MTUS2: variants seen among roughly 807,000 people sequenced by gnomAD.
MTUS2 encodes microtubule associated scaffold protein 2, also known as microtubule-associated tumor suppressor candidate 2.
A neutral mutation model predicts 114.1 loss-of-function variants in MTUS2; 40 were observed. That is an observed-to-expected ratio of 0.35 (90% CI 0.27 to 0.46). The LOEUF (loss-of-function observed/expected upper bound fraction) is 0.46. Among genes scored for constraint, MTUS2 ranks in the 20% least tolerant of loss-of-function variants. The pLI is 1.00. For synonymous variants in MTUS2, 688 were observed against 672.0 expected (o/e 1.02, Z -0.37); for missense variants, 1,679 against 1,705.4 (o/e 0.98, Z 0.27).
rs182964245 is a variant in MTUS2 at position 29,269,209 on chromosome 13, A to C, written c.2645-12495A>C. Among the ~76,000 whole-genome samples, 14 of 152,312 alleles carry C rather than the reference A, an allele frequency of 9.2e-5. 1 individual carries two copies. Among genetic ancestry groups the C allele is most frequent in the African/African-American group, 3.4e-4 (14 of 41,572 alleles). On this transcript the variant is annotated intron_variant, in intron 5 of 15. Coordinates refer to ENST00000612955, the MANE Select transcript of MTUS2 (RefSeq NM_001033602.4). ...CAGTGCCCATTTGTCCTTAGGTCAG[A>C]TTCATAACTCAATCTCTTCCTGGAG...
At chr13:29,341,528 G>T (rs1335667503) in intron 7 of MTUS2, among the ~76,000 whole-genome samples, 1 of 152,120 alleles carries the variant, frequency 6.6e-6, no homozygotes, top group Non-Finnish European at 1.5e-5. Flanking sequence ...GTTTCTCATA[G>T]ATTCTGGATG....
Position 29,389,251 on chromosome 13 carries a change from G to A in MTUS2, c.3117+29778G>A, listed in dbSNP as rs1177243205. Among the ~76,000 whole-genome samples the A allele has an allele frequency of 2.7e-5, 4 of 146,916 alleles. No individual in the cohort carries two copies. The East Asian group carries it at 5.9e-4, about 22-fold the overall frequency. On this transcript the variant is annotated intron_variant, in intron 8 of 15. Transcript: ENST00000612955. ...TATATATGTATGTGTGTATATATAT[G>A]TATACACATGTGTGTATATATGTAT... is the stretch of plus-strand genomic sequence containing the variant.
At chr13:29,139,473 T>C (rs1398808869) in intron 5 of MTUS2, among the ~76,000 whole-genome samples, 1 of 152,222 alleles carries the variant, frequency 6.6e-6, no homozygotes, top group Non-Finnish European at 1.5e-5. Flanking sequence ...TATGTAAAAC[T>C]ATTCATTTCC....
chr13:29,288,221 G>A (rs1359174049), intron 6 of MTUS2, among the ~76,000 whole-genome samples: 1 of 152,212 alleles, frequency 6.6e-6, no homozygotes, highest in African/African-American at 2.4e-5. Context: ...GCTTATCCTT[G>A]TGGCTCTGGG....
Position 29,480,380 on chromosome 13 carries a change from G to A in MTUS2, c.3399+16G>A, listed in dbSNP as rs916964288. The A allele has an allele frequency of 1.5e-5, 22 of 1,498,650 alleles. No individual in the cohort carries two copies. The highest frequency in any genetic ancestry group is 1.7e-5 in the Non-Finnish European group (19 of 1,120,632). 92.8% of individuals were successfully genotyped at this position (1,498,650 alleles called of 1,614,324 possible). ...CCAGGAGCAGGTCAGTCTGCAGTGC[G>A]GCTCGAGCTCTGCTGTTGGGTGATG... On this transcript the variant is annotated intron_variant, in intron 10 of 15. Coordinates refer to ENST00000612955, the MANE Select transcript of MTUS2 (RefSeq NM_001033602.4). The surrounding 1 kb of genome is among the most constrained non-coding windows in gnomAD (Gnocchi z 4.4).
chr13:29,348,343 A>G (rs1045407699), intron 7 of MTUS2, among the ~76,000 whole-genome samples: 6 of 151,892 alleles, frequency 4.0e-5, no homozygotes, highest in African/African-American at 7.2e-5. Flanking sequence ...TCTAGCATCC[A>G]TATCACTCAG....
chr13:29,366,930 T>C (rs2388091), intron 8 of MTUS2, among the ~76,000 whole-genome samples: 113,381 of 151,790 alleles, frequency 0.75, 42,505 homozygotes, highest in East Asian at 0.83. Context: ...GTTTGTGATG[T>C]GAGCCTCCCT....
chr13:29,285,522 C>T (rs1349716705), intron 6 of MTUS2, among the ~76,000 whole-genome samples: 1 of 152,110 alleles, frequency 6.6e-6, no homozygotes, highest in Non-Finnish European at 1.5e-5. Context: ...GGGAATTAGT[C>T]TTTGGGGGAA....
chr13:29,094,174 A>G (rs1177595862), intron 4 of MTUS2, among the ~76,000 whole-genome samples: 2 of 151,954 alleles, frequency 1.3e-5, no homozygotes, highest in Non-Finnish European at 2.9e-5. Context: ...AGATGTCTTT[A>G]TCTGGTTTTA....
At chr13:29,017,693 T>A (rs1886124726) in intron 2 of MTUS2, among the ~76,000 whole-genome samples, 1 of 133,344 alleles carries the variant, frequency 7.5e-6, no homozygotes, top group Non-Finnish European at 1.6e-5. Context: ...AATTTTCATC[T>A]TGAAAGATTG....
chr13:29,064,010 A>AGGCC (rs2138658669), intron 4 of MTUS2, among the ~76,000 whole-genome samples: 1 of 152,310 alleles, frequency 6.6e-6, no homozygotes, highest in South Asian at 2.1e-4. Flanking sequence ...AGAAAGCATG[A>AGGCC]GGCCTGGGGG....
intron 2 of MTUS2, among the ~76,000 whole-genome samples, chr13:28,920,833 A>G (rs1447534964): frequency 6.6e-6 from 1 of 152,230 alleles, no homozygotes; most frequent in East Asian, 1.9e-4. Context: ...GGCCACCAGC[A>G]ACACCACCAC....
intron 2 of MTUS2, among the ~76,000 whole-genome samples, chr13:29,004,159 C>A (rs190403154): frequency 1.7e-4 from 26 of 152,260 alleles, no homozygotes; most frequent in Non-Finnish European, 5.9e-5. Context: ...TTGACATTTT[C>A]TGTCTGCAAC....
rs141353605 is a variant in MTUS2 at position 29,470,132 on chromosome 13, C to T, written c.3185-10018C>T. Reference sequence around the variant, plus strand: ...GTTTACAGACCCTCAGGGAGAAAAACACAACTATTAACCTACCCCACCGCA... The same window carrying T: ...GTTTACAGACCCTCAGGGAGAAAAATACAACTATTAACCTACCCCACCGCA... On this transcript the variant is annotated intron_variant, in intron 9 of 15. Transcript: ENST00000612955. 1.8e-3 allele frequency among the ~76,000 whole-genome samples: 268 copies of T among 152,226 alleles called. 1 individual carries two copies. Among genetic ancestry groups the T allele is most frequent in the African/African-American group, 5.7e-3 (237 of 41,530 alleles).
intron 8 of MTUS2, among the ~76,000 whole-genome samples, chr13:29,360,279 C>G (rs1439175105): frequency 6.6e-6 from 1 of 152,148 alleles, no homozygotes; most frequent in South Asian, 2.1e-4. Context: ...TGTATAAATG[C>G]TCTCCAAATA....
At chr13:29,245,068 A>G (rs1896871426) in intron 5 of MTUS2, among the ~76,000 whole-genome samples, 1 of 151,826 alleles carries the variant, frequency 6.6e-6, no homozygotes, top group African/African-American at 2.4e-5. Flanking sequence ...AAAACATCCT[A>G]TAAAGGGTTA....
intron 5 of MTUS2, among the ~76,000 whole-genome samples, chr13:29,129,211 C>CA (rs1891650010): frequency 6.9e-6 from 1 of 145,194 alleles, no homozygotes; most frequent in Non-Finnish European, 1.5e-5. Context: ...TTTTTTTCCC[C>CA]ATCCGGAATG....
chr13:29,100,340 A>G (rs1317070390), intron 4 of MTUS2, among the ~76,000 whole-genome samples: 1 of 152,244 alleles, frequency 6.6e-6, no homozygotes, highest in Non-Finnish European at 1.5e-5. Context: ...GCTTAAAATT[A>G]CTAGTGAATG....
intron 5 of MTUS2, among the ~76,000 whole-genome samples, chr13:29,158,358 C>CCCCCCCCCCTCTT: frequency 3.1e-5 from 1 of 32,048 alleles, no homozygotes; most frequent in Non-Finnish European, 5.1e-5. Context: ...GTCCACCCCG[C>CCCCCCCCCCTCTT]TTTTTTTTTT....
Sources: allele counts gnomAD v4.1 joint callset (sites outside exome capture counted in the v4.1 genomes callset), GRCh38; gene constraint gnomAD v4.1.1; non-coding constraint Gnocchi (gnomAD v3.1); transcripts MANE v1.5; gene names NCBI Gene and HGNC (gene_info 2026-07-23, HGNC 2026-07-21).